Variants in PRKG2 observed in about 807,000 individuals in gnomAD.
The protein encoded by PRKG2 is cGMP-dependent protein kinase 2.
A neutral mutation model predicts 97.2 loss-of-function variants in PRKG2; 33 were observed. The ratio of observed to expected loss-of-function variants is 0.34; its 90% confidence interval spans 0.26 to 0.45. The LOEUF (loss-of-function observed/expected upper bound fraction) is 0.45. Among genes scored for constraint, PRKG2 ranks in the 20% least tolerant of loss-of-function variants. PRKG2 has a pLI of 1.00. For missense variants in PRKG2, 638 were observed against 900.0 expected (o/e 0.71, Z 3.73); for synonymous variants, 330 against 321.8 (o/e 1.03, Z -0.27).
Position 81,140,653 on chromosome 4 carries a change from T to A in PRKG2, c.1424A>T (p.Glu475Val). Reference protein sequence around the residue: ...GRVELVKVKNENVAFAMKCIR... With the variant: ...GRVELVKVKNVNVAFAMKCIR... ...ACACTTCATAGCAAAAGCAACATTC[T>A]CATTTTTTACTTTAACCTATGTAAG... The change falls in exon 12 of 19, where the codon GAG becomes GTG. Residue 475 changes from glutamate (E) to valine (V), a missense_variant. Coordinates refer to ENST00000264399, the MANE Select transcript of PRKG2 (RefSeq NM_006259.3). 1 of 1,608,212 alleles carries A rather than the reference T, an allele frequency of 6.2e-7. No individual in the cohort carries two copies.
chr4:81,133,827 A>G (rs1360118455), intron 14 of PRKG2, among the ~76,000 whole-genome samples: 7 of 151,234 alleles, frequency 4.6e-5, no homozygotes, highest in Admixed American at 6.6e-5. Flanking sequence ...CTCTATGCCT[A>G]TACATGTGAA....
rs1329703750 is a variant in PRKG2, at chr4:81,204,649, G to C, written c.399C>G (p.Thr133=). The change falls in exon 2 of 19, where the codon ACC becomes ACG. Residue 133 remains threonine, a synonymous_variant. Transcript: ENST00000264399. ...ATTCAGGGGGTTTGTTCAGGTCATA[G>C]GTCCGGGTTGTTGGCTCAGCAGACA... is the stretch of plus-strand genomic sequence containing the variant. The part of the protein sequence containing the change: ...AGVSAEPTTR[T]YDLNKPPEFS... 6.2e-7 allele frequency: 1 copy of C among 1,614,182 alleles called. No individual in the cohort carries two copies. Among genetic ancestry groups the C allele is most frequent in the South Asian group, 1.1e-5 (1 of 91,082 alleles).
At chr4:81,098,433 T>G (rs1025233301) in intron 17 of PRKG2, among the ~76,000 whole-genome samples, 1 of 152,210 alleles carries the variant, frequency 6.6e-6, no homozygotes, top group Non-Finnish European at 1.5e-5. Context: ...TTCAAGAAAC[T>G]TTCCTTTGGA....
chr4:81,150,664 T>C (rs1323102759), intron 8 of PRKG2, among the ~76,000 whole-genome samples: 1 of 152,126 alleles, frequency 6.6e-6, no homozygotes, highest in Non-Finnish European at 1.5e-5. Flanking sequence ...CAAAACTGAA[T>C]AACATATTTT....
intron 4 of PRKG2, among the ~76,000 whole-genome samples, chr4:81,171,303 G>C (rs1185248263): frequency 6.6e-6 from 1 of 151,972 alleles, no homozygotes; most frequent in Non-Finnish European, 1.5e-5. Context: ...TGAGGATAAT[G>C]GCTTCCAGCT....
chr4:81,170,983 C>T (rs17005079), intron 4 of PRKG2, among the ~76,000 whole-genome samples: 1,737 of 151,996 alleles, frequency 0.011, 32 homozygotes, highest in African/African-American at 0.039. Context: ...GCAGAACAAA[C>T]CTTTTTATTT....
intron 2 of PRKG2, among the ~76,000 whole-genome samples, chr4:81,188,489 G>C (rs1290815196): frequency 7.0e-6 from 1 of 143,498 alleles, no homozygotes; most frequent in South Asian, 2.2e-4. Context: ...TCTAGAACTA[G>C]AAATACCATT....
intron 15 of PRKG2, among the ~76,000 whole-genome samples, chr4:81,107,839 G>C (rs963334872): frequency 1.3e-5 from 2 of 152,118 alleles, no homozygotes; most frequent in African/African-American, 4.8e-5. Flanking sequence ...GTACTGCTAA[G>C]ATCAGTAAAC....
intron 12 of PRKG2, among the ~76,000 whole-genome samples, chr4:81,138,080 T>C (rs1217852890): frequency 2.0e-5 from 3 of 152,224 alleles, no homozygotes; most frequent in Non-Finnish European, 4.4e-5. Context: ...CAAGAGGCTC[T>C]GCAGTTGTTG....
chr4:81,106,764 T>C (rs1209107358), intron 15 of PRKG2, among the ~76,000 whole-genome samples: 1 of 152,028 alleles, frequency 6.6e-6, no homozygotes, highest in Non-Finnish European at 1.5e-5. Context: ...CTGTGGGAGG[T>C]AATTAAATCA....
intron 1 of PRKG2, among the ~76,000 whole-genome samples, chr4:81,206,510 A>G (rs1753665302): frequency 6.6e-6 from 1 of 151,886 alleles, no homozygotes; most frequent in African/African-American, 2.4e-5. Context: ...AGTCCATTAA[A>G]CCCCTTTCCT....
chr4:81,154,743 C>G (rs1159364361), intron 6 of PRKG2, among the ~76,000 whole-genome samples: 1 of 152,220 alleles, frequency 6.6e-6, no homozygotes, highest in Non-Finnish European at 1.5e-5. Flanking sequence ...CAGTTCCTCA[C>G]TAGCAACAGA....
At chr4:81,217,484 C>T (rs115055763), upstream of PRKG2, among the ~76,000 whole-genome samples, 51 of 152,208 alleles carry the variant, frequency 3.4e-4, no homozygotes, top group African/African-American at 1.1e-3. Context: ...AACAAGGAAA[C>T]GGAGGAAGAG....
intron 14 of PRKG2, among the ~76,000 whole-genome samples, chr4:81,115,249 T>C (rs1290398749): frequency 6.6e-6 from 1 of 152,254 alleles, no homozygotes; most frequent in Non-Finnish European, 1.5e-5. Flanking sequence ...CTGACCGCTC[T>C]ACATCTTCAC....
At chr4:81,214,883 C>T (rs1373240929) in intron 1 of PRKG2, 53 bp downstream of exon 1, 1 of 152,366 alleles carries the variant, frequency 6.6e-6, no homozygotes, top group Non-Finnish European at 1.5e-5. Context: ...CCCCGTCCCT[C>T]CCCGCGCGCC....
intron 1 of PRKG2, among the ~76,000 whole-genome samples, chr4:81,205,533 A>G (rs1753601310): frequency 1.3e-5 from 2 of 152,240 alleles, no homozygotes; most frequent in South Asian, 4.1e-4. Flanking sequence ...AGAAAATTAC[A>G]CATCTGCATT....
At chr4:81,155,766 GC>G (rs1364108671) in intron 6 of PRKG2, among the ~76,000 whole-genome samples, 20 of 151,606 alleles carry the variant, frequency 1.3e-4, no homozygotes, top group Admixed American at 3.3e-4. Flanking sequence ...GAGAGTGGGG[GC>G]CAATATTCAA....
At chr4:81,141,008 T>TTTATTATTA (rs375541277) in intron 11 of PRKG2, among the ~76,000 whole-genome samples, 1,563 of 151,298 alleles carry the variant, frequency 0.01, 35 homozygotes, top group African/African-American at 0.036. Flanking sequence ...CAAAGCAAGA[T>TTTATTATTA]TTATTATTAT....
chr4:81,154,789 G>T (rs548198927), intron 6 of PRKG2, among the ~76,000 whole-genome samples: 1 of 152,182 alleles, frequency 6.6e-6, no homozygotes, highest in East Asian at 1.9e-4. Flanking sequence ...GACGAGCTGC[G>T]AGAAGAAGGC....
Sources: allele counts gnomAD v4.1 joint callset (sites outside exome capture counted in the v4.1 genomes callset), GRCh38; gene constraint gnomAD v4.1.1; transcripts MANE v1.5; gene names NCBI Gene and HGNC (gene_info 2026-07-23, HGNC 2026-07-21).